The following SENP6 variants were observed in gnomAD, a reference collection of about 807,000 sequenced individuals.
SENP6 encodes the protein SUMO specific peptidase 6, also known as sentrin-specific protease 6.
Under a neutral mutation model 134.5 loss-of-function variants are expected in SENP6, and 41 were observed. The observed-to-expected ratio is 0.30, with a 90% confidence interval of 0.24 to 0.40. The LOEUF (loss-of-function observed/expected upper bound fraction) is 0.40. Among genes scored for constraint, SENP6 ranks in the 10% least tolerant of loss-of-function variants. The pLI, the probability that SENP6 is intolerant of heterozygous loss-of-function variation, is 1.00. For missense variants in SENP6, 1,248 were observed against 1,312.5 expected (o/e 0.95, Z 0.76); for synonymous variants, 395 against 429.8 (o/e 0.92, Z 1.00).
At chr6:75,634,294 T>G (rs906870678) in intron 4 of SENP6, among the ~76,000 whole-genome samples, 6 of 152,158 alleles carry the variant, frequency 3.9e-5, no homozygotes, top group African/African-American at 1.4e-4. Context: ...GATTTTTATT[T>G]TAGTATTCTG....
rs780827507 is a variant in SENP6 at position 75,666,854 on chromosome 6, C to G, written c.1137C>G (p.Cys379Trp). 2 of 1,613,632 alleles carry G rather than the reference C, an allele frequency of 1.2e-6. No homozygotes were observed. The highest frequency in any genetic ancestry group is 1.7e-4 in the Middle Eastern group (1 of 6,058). Residue 379 changes from cysteine to tryptophan, a missense_variant, in exon 10 of 24, where the codon TGC becomes TGG. Transcript: ENST00000447266. ...AAGCAGCGCTAAATGAAAATACTTG[C>G]AGAGCAGAGCGTGAACTACGAAGCA... is the stretch of plus-strand genomic sequence containing the variant. ...KVEAALNENT[C>W]RAERELRSIP...
intron 3 of SENP6, among the ~76,000 whole-genome samples, chr6:75,627,317 T>G (rs900559845): frequency 1.8e-4 from 27 of 152,330 alleles, no homozygotes; most frequent in African/African-American, 6.5e-4. Context: ...TTTTTCTTTA[T>G]AAAGTTATTC....
intron 11 of SENP6, among the ~76,000 whole-genome samples, chr6:75,674,469 G>GC (rs531832415): frequency 3.0e-3 from 456 of 152,172 alleles, no homozygotes; most frequent in Non-Finnish European, 4.8e-3. Context: ...TTACAGGCAT[G>GC]CATTACCACG....
At chr6:75,646,849 A>G (rs1770487660) in intron 6 of SENP6, 1 of 152,288 alleles carries the variant, frequency 6.6e-6, no homozygotes, top group African/African-American at 2.4e-5. Flanking sequence ...AAAAAAAAAA[A>G]AAGTAAGTAC....
chr6:75,667,247 G>T (rs553158464), intron 10 of SENP6, among the ~76,000 whole-genome samples: 3 of 152,184 alleles, frequency 2.0e-5, no homozygotes, highest in African/African-American at 4.8e-5. Flanking sequence ...TTTTGACAGA[G>T]ATATATTTTA....
At chr6:75,703,763 A>G (rs2149900880) in intron 19 of SENP6, among the ~76,000 whole-genome samples, 1 of 152,240 alleles carries the variant, frequency 6.6e-6, no homozygotes, top group African/African-American at 2.4e-5. Context: ...CTCCATCTCA[A>G]AATTAAAAAA....
intron 13 of SENP6, 36 bp from the exon 14 acceptor site, chr6:75,676,994 G>A: frequency 6.4e-6 from 6 of 944,484 alleles, no homozygotes; most frequent in Middle Eastern, 3.2e-4. Flanking sequence ...TACTTCTTTT[G>A]TGTTTTTTTT....
chr6:75,642,122 T>G lies in SENP6; in HGVS notation c.479+1418T>G, dbSNP rs569912429. Among the ~76,000 whole-genome samples, 5 of 152,360 alleles carry G rather than the reference T, an allele frequency of 3.3e-5. No individual in the cohort carries two copies. The South Asian group carries it at 8.3e-4, about 25-fold the overall frequency. ...TTGAAATGGTAAATATATTTTTGAT[T>G]ACATGCTGCCTTTTAGGCATACGCT... On this transcript the variant is annotated intron_variant, in intron 6 of 23. Transcript: ENST00000447266.
At chr6:75,609,770 T>A (rs1371909688) in intron 1 of SENP6, among the ~76,000 whole-genome samples, 2 of 152,120 alleles carry the variant, frequency 1.3e-5, no homozygotes, top group Non-Finnish European at 2.9e-5. Context: ...TAATGTTTTG[T>A]TTTTGTTTTT....
chr6:75,632,627 C>T (rs866254716), intron 3 of SENP6, among the ~76,000 whole-genome samples: 1 of 152,096 alleles, frequency 6.6e-6, no homozygotes, highest in Non-Finnish European at 1.5e-5. Context: ...GATCTCTTTT[C>T]GAACAAATGG....
chr6:75,712,120 G>GT (rs1441853621), intron 21 of SENP6, among the ~76,000 whole-genome samples: 3 of 152,148 alleles, frequency 2.0e-5, no homozygotes. Flanking sequence ...CAAGGCAGAC[G>GT]TAAGAGACAT....
chr6:75,613,187 A>G (rs1767595053), intron 1 of SENP6, among the ~76,000 whole-genome samples: 1 of 152,124 alleles, frequency 6.6e-6, no homozygotes, highest in African/African-American at 2.4e-5. Context: ...GAGGCTCATG[A>G]GCTCAGAATG....
chr6:75,649,285 A>G (rs1164401212), intron 7 of SENP6, among the ~76,000 whole-genome samples: 1 of 152,138 alleles, frequency 6.6e-6, no homozygotes, highest in Non-Finnish European at 1.5e-5. Context: ...ACTACGCTCC[A>G]GCCTGGGTGA....
At chr6:75,619,474 T>C (rs200035614) in intron 1 of SENP6, among the ~76,000 whole-genome samples, 1 of 146,960 alleles carries the variant, frequency 6.8e-6, no homozygotes, top group South Asian at 2.2e-4. Context: ...TGTGTGTGTG[T>C]ACATATGTAC....
intron 7 of SENP6, among the ~76,000 whole-genome samples, chr6:75,658,298 A>G (rs369617806): frequency 2.6e-4 from 40 of 152,314 alleles, no homozygotes; most frequent in African/African-American, 8.9e-4. Context: ...AGGTTTCTTA[A>G]GATGGTGTTG....
chr6:75,687,992 C>T (rs1199983607), intron 16 of SENP6, among the ~76,000 whole-genome samples: 1 of 152,236 alleles, frequency 6.6e-6, no homozygotes, highest in Non-Finnish European at 1.5e-5. Context: ...CAGCTATGCC[C>T]TGCCCACAGT....
chr6:75,677,035 G>T lies in SENP6; in HGVS notation c.1627G>T (p.Glu543Ter). ...TTATATTTATTTCTTTTCAGATTTA[G>T]AAGAACAATATATAATTTTAATTTT... Reference protein sequence around the residue: ...CKGVNKLTNLEEQYIILIFQN... With the variant: ...CKGVNKLTNL The change falls in exon 14 of 24, where the codon GAA becomes TAA. Residue 543 changes from glutamate (E) to a stop codon, truncating the protein, a stop_gained. Transcript: ENST00000447266. LOFTEE classifies it high-confidence loss of function. The T allele has an allele frequency of 1.4e-6, 2 of 1,428,164 alleles. No individual in the cohort carries two copies. Among genetic ancestry groups the T allele is most frequent in the Non-Finnish European group, 9.7e-7 (1 of 1,029,856 alleles). The allele number at this position is 1,428,164 out of a possible 1,614,324, so 88.5% of individuals were successfully genotyped here.
Position 75,702,813 on chromosome 6 carries a change from T to C in SENP6, c.2457T>C (p.Ser819=), listed in dbSNP as rs1775128992. The C allele has an allele frequency of 4.3e-6, 7 of 1,614,148 alleles. No individual in the cohort carries two copies. The highest frequency in any genetic ancestry group is 5.9e-6 in the Non-Finnish European group (7 of 1,180,004). ...TGGAGAGTTGTTCACAAAACTCTTCTGCCAAGCCTGTAATTAAGAAGATGC... is the reference window on the plus strand; with the variant it reads ...TGGAGAGTTGTTCACAAAACTCTTCCGCCAAGCCTGTAATTAAGAAGATGC... ...SEMESCSQNS[S]AKPVIKKMLN... is the part of the protein sequence containing the mutation. The change falls in exon 19 of 24, where the codon TCT becomes TCC. Residue 819 remains serine, a synonymous_variant. Transcript: ENST00000447266.
At chr6:75,690,685 TTTTTTTG>T (rs1324301083) in intron 16 of SENP6, among the ~76,000 whole-genome samples, 1 of 146,232 alleles carries the variant, frequency 6.8e-6, no homozygotes, top group Non-Finnish European at 1.5e-5. Context: ...TTTGTTTTGG[TTTTTTTG>T]TTTTTTGTTT....
Sources: gnomAD v4.1 joint callset for allele counts (sites outside exome capture counted in the v4.1 genomes callset) on GRCh38, gnomAD v4.1.1 for gene constraint, MANE v1.5 for transcripts, NCBI Gene and HGNC (gene_info 2026-07-23, HGNC 2026-07-21) for gene names.